CHRNB4: variants seen among roughly 807,000 people sequenced by gnomAD.
CHRNB4 encodes the protein neuronal acetylcholine receptor subunit beta-4.
CHRNB4 carries 23 observed loss-of-function variants against 40.4 expected under a neutral mutation model. The ratio of observed to expected loss-of-function variants is 0.57; its 90% CI spans 0.41 to 0.81. The LOEUF is 0.81. Among genes scored for constraint, CHRNB4 ranks in the 30% least tolerant of loss-of-function variants. The probability of loss-of-function intolerance (pLI) is 0.00; values close to 1 mark genes in which losing one functional copy is unlikely to be tolerated. For synonymous variants in CHRNB4, 285 were observed against 274.4 expected (o/e 1.04, Z -0.38); for missense variants, 568 against 670.6 (o/e 0.85, Z 1.69).
chr15:78,654,124 G>T (rs554405966), intron 5 of CHRNB4, among the ~76,000 whole-genome samples: 1 of 152,172 alleles, frequency 6.6e-6, no homozygotes, highest in Admixed American at 6.6e-5. Context: ...GTGCTTCAGG[G>T]ATGGATGAAG....
intron 7 of CHRNB4, chr15:78,649,334 T>C (rs1272487042): frequency 4.5e-6 from 2 of 441,378 alleles, no homozygotes; most frequent in South Asian, 3.3e-5. Flanking sequence ...ACCACTTAGA[T>C]GTCCATCAAC....
At chr15:78,630,051 C>T (rs1242285249) in intron 4 of CHRNB4, 106 bp from the exon 5 acceptor site, 3 of 1,258,716 alleles carry the variant, frequency 2.4e-6, no homozygotes, top group Non-Finnish European at 2.1e-6. Flanking sequence ...CCACTAATCA[C>T]CCTTCCAATC....
chr15:78,631,193 G>C lies in CHRNB4; in HGVS notation c.250-8C>G. ...GCGGTAATCAGTCCATTCCTGGACA[G>C]ACAGGCAAGGCCCTGTCACTTGCAG... On this transcript the variant is annotated splice_polypyrimidine_tract_variant and splice_region_variant and intron_variant, in intron 3 of 5. Transcript: ENST00000261751. The C allele has an allele frequency of 6.2e-7, 1 of 1,614,020 alleles. No homozygotes were observed. Among genetic ancestry groups the C allele is most frequent in the Non-Finnish European group, 8.5e-7 (1 of 1,179,832 alleles).
intron 2 of CHRNB4, among the ~76,000 whole-genome samples, chr15:78,657,799 G>A (rs1034333975): frequency 1.3e-5 from 2 of 151,160 alleles, no homozygotes; most frequent in African/African-American, 4.9e-5. Context: ...TGATCTGCCC[G>A]CCTCGGCCTC....
intron 6 of CHRNB4, among the ~76,000 whole-genome samples, chr15:78,651,102 C>T (rs2054168236): frequency 6.6e-6 from 1 of 151,966 alleles, no homozygotes; most frequent in East Asian, 1.9e-4. Flanking sequence ...AGGAGCTGGC[C>T]CAAGTTCCTG....
chr15:78,630,854 G>C, intron 4 of CHRNB4: 1 of 549,644 alleles, frequency 1.8e-6, no homozygotes, highest in Non-Finnish European at 3.3e-6. Flanking sequence ...CTGCTTCAGT[G>C]AATCAGACAA....
At chr15:78,644,822 T>C (rs139433589), upstream of CHRNB4, among the ~76,000 whole-genome samples, 18 of 152,342 alleles carry the variant, frequency 1.2e-4, no homozygotes, top group East Asian at 3.3e-3. Flanking sequence ...CATGTAGTAA[T>C]TGAGGGGCCA....
In CHRNB4 at chr15:78,641,129, C is replaced by T. The variant is rs749331477; in HGVS notation, c.5G>A (p.Arg2Lys). ...GAAAAGGACCAGGGAAGGCGCGCGC[C>T]TCATGGCCGGCGGGGCCGGGTGGCA... Reference protein sequence around the residue: MRRAPSLVLFFL... With the variant: MKRAPSLVLFFL... The change falls in exon 1 of 6, where the codon AGG (arginine) becomes AAG (lysine). Residue 2 changes from arginine (R) to lysine (K), a missense_variant. Physicochemically the swap from Arg to Lys is conservative, Grantham distance 26 (BLOSUM62 2). Around this residue, in one of 4 missense-constraint regions of CHRNB4, gnomAD observed 161 missense variants for 148.1 expected, o/e 1.09. Coordinates refer to ENST00000261751, the MANE Select transcript of CHRNB4 (RefSeq NM_000750.5). 4 of 1,566,662 alleles carry T rather than the reference C, an allele frequency of 2.6e-6. No individual in the cohort carries two copies. The South Asian group carries it at 3.5e-5, about 14-fold the overall frequency.
upstream of CHRNB4, chr15:78,641,322 G>A (rs2054071189): frequency 2.0e-6 from 1 of 504,622 alleles, no homozygotes; most frequent in Non-Finnish European, 3.4e-6. Context: ...CCGCTGCTCC[G>A]CCCCGACGCC....
chr15:78,641,171 C>T lies in CHRNB4; in HGVS notation c.-38G>A. ...CGGGTGGCAGCCGCCGCGAGCTCCG[C>T]TGTGGGGTCACAGGGCACCCGTGAG... is the stretch of plus-strand genomic sequence containing the variant. On this transcript the variant is annotated 5_prime_UTR_variant, in exon 1 of 6. Coordinates refer to ENST00000261751, the MANE Select transcript of CHRNB4 (RefSeq NM_000750.5). 1.3e-6 allele frequency: 2 copies of T among 1,529,668 alleles called. No homozygotes were observed. Among genetic ancestry groups the T allele is most frequent in the Non-Finnish European group, 8.8e-7 (1 of 1,138,802 alleles). The allele number at this position is 1,529,668 out of a possible 1,614,324, so 94.8% of individuals were successfully genotyped here.
rs755687921 is a variant in CHRNB4, at chr15:78,635,535, G to C, written c.108C>G (p.Asn36Lys). Residue 36 changes from asparagine to lysine, a missense_variant, in exon 2 of 6, where the codon AAC (asparagine) becomes AAG (lysine). By Grantham distance (94) the Asn-to-Lys change is moderately conservative (BLOSUM62 0). This residue lies in a region of CHRNB4 where 161 missense variants were observed against 148.1 expected (regional missense o/e 1.09). Coordinates refer to ENST00000261751, the MANE Select transcript of CHRNB4 (RefSeq NM_000750.5). ...AEEKLMDDLLNKTRYNNLIRP... is the reference protein window; with the variant it reads ...AEEKLMDDLLKKTRYNNLIRP... The stretch of plus-strand genomic sequence containing the variant: ...GGATCAGGTTATTGTAACGGGTTTT[G>C]TTCAGAAGGTCGTCCATCAGCTTTT... 6 of 1,614,152 alleles carry C rather than the reference G, an allele frequency of 3.7e-6. 1 individual carries two copies. The South Asian group carries it at 6.6e-5, about 18-fold the overall frequency.
At chr15:78,626,088 G>C (rs1176013471) in intron 5 of CHRNB4, 1 of 152,286 alleles carries the variant, frequency 6.6e-6, no homozygotes, top group Non-Finnish European at 1.5e-5. Context: ...AGAAGGCTTC[G>C]GAGATCAGCA....
At position 78,647,572 on chromosome 15, in the gene CHRNB4, T is replaced by C. The variant is rs111448672; in HGVS notation, c.46+1807A>G. Among the ~76,000 whole-genome samples, 95 of 150,644 alleles carry C rather than the reference T, an allele frequency of 6.3e-4. 2 individuals carry two copies. Among genetic ancestry groups the C allele is most frequent in the African/African-American group, 1.1e-3 (47 of 41,166 alleles). ...TGTATTAGAAAGAGATTCAGCCGGG[T>C]GCAGTGGCTCACGCCTGTAATCCCA... On this transcript the variant is annotated intron_variant and NMD_transcript_variant, in intron 7 of 11. Coordinates refer to the CHRNB4 transcript ENST00000559849.
rs753252642 is a variant in CHRNB4, at chr15:78,625,080, C to T, written c.*53G>A. The T allele has an allele frequency of 7.4e-6, 12 of 1,612,380 alleles. No individual in the cohort carries two copies. In the East Asian group the frequency reaches 2.2e-4, roughly 30 times the overall value. Reference sequence around the variant, plus strand: ...TCAGCCACAACCCAGAAAGAAGCAGCAAAGTGCCCACCCGGCCACTCACAT... The same window carrying T: ...TCAGCCACAACCCAGAAAGAAGCAGTAAAGTGCCCACCCGGCCACTCACAT... On this transcript the variant is annotated 3_prime_UTR_variant, in exon 6 of 6. Coordinates refer to ENST00000261751, the MANE Select transcript of CHRNB4 (RefSeq NM_000750.5).
At chr15:78,635,268 A>C (rs1000270355) in intron 2 of CHRNB4, among the ~76,000 whole-genome samples, 171 bp downstream of exon 2, 23 of 152,208 alleles carry the variant, frequency 1.5e-4, no homozygotes, top group Non-Finnish European at 4.4e-5. Flanking sequence ...TGACTTCATT[A>C]AATATTGGAC....
chr15:78,630,029 T>A (rs914610886), intron 4 of CHRNB4, 84 bp from the exon 5 acceptor site: 1 of 1,422,548 alleles, frequency 7.0e-7, no homozygotes, highest in African/African-American at 1.4e-5. Flanking sequence ...AAGAGCCCTT[T>A]GGGATTATTT....
upstream of CHRNB4, among the ~76,000 whole-genome samples, chr15:78,644,379 C>T (rs992757026): frequency 1.6e-5 from 2 of 127,974 alleles, no homozygotes; most frequent in African/African-American, 5.3e-5. Context: ...ACATTAGTGT[C>T]TTATAAAAGG....
At chr15:78,633,338 G>GAC (rs750790202) in intron 2 of CHRNB4, among the ~76,000 whole-genome samples, 2 of 152,160 alleles carry the variant, frequency 1.3e-5, no homozygotes, top group African/African-American at 4.8e-5. Context: ...TAACACTTTA[G>GAC]ACATATATGG....
At chr15:78,661,070 G>T, upstream of CHRNB4, 1 of 598,444 alleles carries the variant, frequency 1.7e-6, no homozygotes. Context: ...CTGGCCCTTT[G>T]ACCTCTGGCG....
Sources: gnomAD v4.1 joint callset for allele counts (sites outside exome capture counted in the v4.1 genomes callset) on GRCh38, gnomAD v4.1.1 for gene constraint, gnomAD v4.1.1 regional missense constraint, MANE v1.5 for transcripts, NCBI Gene and HGNC (gene_info 2026-07-23, HGNC 2026-07-21) for gene names.